The following ZNF365 variants were observed in gnomAD, a reference collection of about 807,000 sequenced individuals.
ZNF365 encodes protein ZNF365.
ZNF365 carries 22 observed loss-of-function variants against 35.0 expected under a neutral mutation model. That is an observed-to-expected ratio of 0.63 (90% CI 0.45 to 0.90). The LOEUF is 0.90. Ranked by LOEUF, ZNF365 falls within the 40% of genes least tolerant of loss-of-function variation. The pLI is 0.00. For missense variants in ZNF365, 448 were observed against 500.3 expected (o/e 0.90, Z 1.00); for synonymous variants, 188 against 196.2 (o/e 0.96, Z 0.35).
intron 2 of ZNF365, among the ~76,000 whole-genome samples, chr10:62,377,874 T>C (rs1281007895): frequency 1.3e-5 from 2 of 152,236 alleles, no homozygotes; most frequent in Non-Finnish European, 2.9e-5. Context: ...AGTTCTATTA[T>C]AGAGATTGAT....
At chr10:62,440,635 G>A in intron 3 of ZNF365, among the ~76,000 whole-genome samples, 1 of 152,154 alleles carries the variant, frequency 6.6e-6, no homozygotes, top group Non-Finnish European at 1.5e-5. Context: ...TAAGTTCCTT[G>A]AAATGAAAAT....
intron 3 of ZNF365, among the ~76,000 whole-genome samples, chr10:62,391,479 AG>A (rs1338607858): frequency 3.9e-5 from 6 of 152,074 alleles, no homozygotes; most frequent in African/African-American, 1.5e-4. Context: ...CCCACTTATG[AG>A]TGAGAACATA....
intron 3 of ZNF365, among the ~76,000 whole-genome samples, chr10:62,450,315 C>T (rs912132735): frequency 5.3e-5 from 8 of 152,116 alleles, no homozygotes; most frequent in African/African-American, 1.2e-4. Flanking sequence ...TTAATCATTC[C>T]ATACGTCGCG....
intron 3 of ZNF365, among the ~76,000 whole-genome samples, chr10:62,444,957 G>A (rs1175919081): frequency 6.6e-6 from 1 of 151,424 alleles, no homozygotes; most frequent in Non-Finnish European, 1.5e-5. Context: ...CCCAGAGTGT[G>A]ATGTTCCCCT....
chr10:62,380,915 T>C (rs1839427729), intron 2 of ZNF365, among the ~76,000 whole-genome samples: 1 of 152,204 alleles, frequency 6.6e-6, no homozygotes, highest in African/African-American at 2.4e-5. Flanking sequence ...AATTTACATA[T>C]ACACTTTTCT....
intron 3 of ZNF365, among the ~76,000 whole-genome samples, chr10:62,430,097 T>A (rs1840310584): frequency 6.6e-6 from 1 of 152,214 alleles, no homozygotes; most frequent in South Asian, 2.1e-4. Context: ...ATGATTTCAC[T>A]ATAATAATAA....
chr10:62,400,731 T>C lies in ZNF365; in HGVS notation c.*942T>C. 1.0e-6 allele frequency: 1 copy of C among 985,548 alleles called. No individual in the cohort carries two copies. The highest frequency in any genetic ancestry group is 1.7e-5 in the African/African-American group (1 of 57,340). The allele number at this position is 985,548 out of a possible 1,614,324, so 61.1% of individuals were successfully genotyped here. A position where few individuals can be genotyped will look rare whatever the true frequency, so the allele number is the denominator to read the frequency against. Reference sequence around the variant, plus strand: ...TTCCCGGCCAGTGTCAGTGGCCCTCTCTCTCTCTGCTATGGGCATGACTTT... The same window carrying C: ...TTCCCGGCCAGTGTCAGTGGCCCTCCCTCTCTCTGCTATGGGCATGACTTT... On this transcript the variant is annotated 3_prime_UTR_variant, in exon 5 of 5. Transcript: ENST00000395254.
chr10:62,463,600 T>G (rs1840883800), intron 4 of ZNF365, among the ~76,000 whole-genome samples: 1 of 152,204 alleles, frequency 6.6e-6, no homozygotes, highest in Non-Finnish European at 1.5e-5. Flanking sequence ...ATCAATGCAG[T>G]GCCTTTAGAG....
chr10:62,475,404 C>T (rs550326921), intron 4 of ZNF365, among the ~76,000 whole-genome samples: 1 of 152,108 alleles, frequency 6.6e-6, no homozygotes, highest in East Asian at 1.9e-4. Flanking sequence ...CTGCATTGGG[C>T]AACACAGGGA....
chr10:62,379,121 C>G (rs892692592), intron 2 of ZNF365, among the ~76,000 whole-genome samples: 1 of 150,814 alleles, frequency 6.6e-6, no homozygotes, highest in African/African-American at 2.4e-5. Context: ...CTCCTGGGTT[C>G]AAGCAATTCT....
At chr10:62,390,792 T>A (rs1053567929) in intron 3 of ZNF365, among the ~76,000 whole-genome samples, 1 of 152,244 alleles carries the variant, frequency 6.6e-6, no homozygotes, top group Non-Finnish European at 1.5e-5. Flanking sequence ...GTACAGCATG[T>A]TACTGTACTG....
chr10:62,422,838 G>A (rs144800042), intron 3 of ZNF365, among the ~76,000 whole-genome samples: 307 of 152,188 alleles, frequency 2.0e-3, no homozygotes, highest in Admixed American at 2.7e-3. Context: ...ATATGAGATG[G>A]AAATGAAGTT....
At chr10:62,450,541 C>A (rs1439677293) in intron 3 of ZNF365, among the ~76,000 whole-genome samples, 1 of 152,162 alleles carries the variant, frequency 6.6e-6, no homozygotes, top group Non-Finnish European at 1.5e-5. Flanking sequence ...AAGTTATGCA[C>A]TGTGAGGTAG....
intron 2 of ZNF365, among the ~76,000 whole-genome samples, chr10:62,384,204 C>G (rs1381815013): frequency 6.6e-6 from 1 of 151,898 alleles, no homozygotes; most frequent in African/African-American, 2.4e-5. Flanking sequence ...CACCCACACC[C>G]TGATTGAGTT....
intron 4 of ZNF365, among the ~76,000 whole-genome samples, chr10:62,464,735 A>G (rs1206280523): frequency 6.6e-6 from 1 of 152,238 alleles, no homozygotes; most frequent in Admixed American, 6.5e-5. Context: ...AGCTGGGGGT[A>G]TAGGAGGATT....
At chr10:62,426,400 G>A (rs1840250774) in intron 3 of ZNF365, among the ~76,000 whole-genome samples, 1 of 152,054 alleles carries the variant, frequency 6.6e-6, no homozygotes, top group Non-Finnish European at 1.5e-5. Context: ...CCTCCCTGCA[G>A]GCTACCCTGC....
chr10:62,376,546 T>G lies in ZNF365; in HGVS notation c.353T>G (p.Val118Gly). 6.2e-7 allele frequency: 1 copy of G among 1,614,084 alleles called. No individual in the cohort carries two copies. The highest frequency in any genetic ancestry group is 8.5e-7 in the Non-Finnish European group (1 of 1,180,042). The change falls in exon 2 of 5, where the codon GTG becomes GGG. Residue 118 changes from valine to glycine, a missense_variant. Transcript: ENST00000395254. ...AAGGACAGGAAGCCATTTGAGGTGGTGGCAGAGAGGCCTGTGTCCTATGTG... is the reference window on the plus strand; with the variant it reads ...AAGGACAGGAAGCCATTTGAGGTGGGGGCAGAGAGGCCTGTGTCCTATGTG... ...HSKDRKPFEV[V>G]AERPVSYVQT...
intron 4 of ZNF365, among the ~76,000 whole-genome samples, chr10:62,468,326 G>T (rs924028201): frequency 5.9e-5 from 9 of 152,136 alleles, no homozygotes; most frequent in Admixed American, 1.3e-4. Context: ...GAATATATAT[G>T]AAGGGACATC....
chr10:62,472,604 G>C (rs1451171616), intron 4 of ZNF365, among the ~76,000 whole-genome samples: 2 of 152,204 alleles, frequency 1.3e-5, no homozygotes, highest in Non-Finnish European at 2.9e-5. Flanking sequence ...AGTGCTTTTA[G>C]AGTGACCATG....
Sources: allele counts gnomAD v4.1 joint callset (sites outside exome capture counted in the v4.1 genomes callset), GRCh38; gene constraint gnomAD v4.1.1; transcripts MANE v1.5; gene names NCBI Gene and HGNC (gene_info 2026-07-23, HGNC 2026-07-21).